ADK: variants seen among roughly 807,000 people sequenced by gnomAD.
ADK encodes the protein adenosine kinase.
In ADK, 24 loss-of-function variants were observed where a neutral mutation model predicts 44.7. That is an observed-to-expected ratio of 0.54 (90% CI 0.39 to 0.76). ADK has a LOEUF of 0.76. Ranked by LOEUF, ADK falls within the 30% of genes least tolerant of loss-of-function variation. ADK has a pLI of 0.00. For synonymous variants in ADK, 128 were observed against 142.6 expected, an observed-to-expected ratio of 0.90 and a Z score of 0.73; for missense variants, 321 against 425.1, an observed-to-expected ratio of 0.76 and a Z score of 2.15.
chr10:74,464,404 A>T (rs1846278016), intron 6 of ADK, among the ~76,000 whole-genome samples: 1 of 144,410 alleles, frequency 6.9e-6, no homozygotes, highest in Non-Finnish European at 1.6e-5. Context: ...AAAAAAAATT[A>T]CCTGGACATG....
At chr10:74,234,351 C>T (rs543827889) in intron 3 of ADK, among the ~76,000 whole-genome samples, 8 of 152,224 alleles carry the variant, frequency 5.3e-5, no homozygotes, top group Non-Finnish European at 1.2e-4. Flanking sequence ...TGTAATCATT[C>T]CCATTTTACA....
chr10:74,419,665 C>G (rs1348577926), intron 6 of ADK, among the ~76,000 whole-genome samples: 1 of 152,126 alleles, frequency 6.6e-6, no homozygotes, highest in African/African-American at 2.4e-5. Context: ...TTTTGCTACC[C>G]TTGGGCTACC....
chr10:74,428,838 G>T (rs1844886516), intron 6 of ADK, among the ~76,000 whole-genome samples: 1 of 152,066 alleles, frequency 6.6e-6, no homozygotes, highest in Non-Finnish European at 1.5e-5. Context: ...GTGATCACAA[G>T]TATCACCTCC....
rs147387935 is a variant in ADK, at chr10:74,265,942, T to C, written c.194+41351T>C. 6.6e-4 allele frequency among the ~76,000 whole-genome samples: 101 copies of C among 152,140 alleles called. 2 individuals are homozygous for C. The East Asian group carries it at 0.018, about 27-fold the overall frequency. On this transcript the variant is annotated intron_variant, in intron 3 of 10. Coordinates refer to ENST00000539909, the MANE Select transcript of ADK (RefSeq NM_006721.4). ...AAAGTGCTTGTGATGATAATATAGG[T>C]TAAGGACCAAGTACCTGGGAAAGAT...
Position 74,200,841 on chromosome 10 carries a change from A to G in ADK, c.140+3A>G. 1 of 1,585,294 alleles carries G rather than the reference A, an allele frequency of 6.3e-7. No individual in the cohort carries two copies. The highest frequency in any genetic ancestry group is 8.7e-7 in the Non-Finnish European group (1 of 1,154,414). On this transcript the variant is annotated splice_donor_region_variant and intron_variant, in intron 2 of 10. Coordinates refer to ENST00000539909, the MANE Select transcript of ADK (RefSeq NM_006721.4). ...GTGGACAAAGATTTCCTTGATAAGT[A>G]AGTATTAAACTCTTCATATGCACTA...
intron 9 of ADK, among the ~76,000 whole-genome samples, chr10:74,613,769 A>C (rs1390734846): frequency 6.6e-6 from 1 of 152,182 alleles, no homozygotes; most frequent in African/African-American, 2.4e-5. Flanking sequence ...AAAGGAAAAC[A>C]ATCTCAGCAT....
intron 6 of ADK, among the ~76,000 whole-genome samples, chr10:74,518,813 A>G (rs1243780700): frequency 6.6e-6 from 1 of 152,112 alleles, no homozygotes; most frequent in Non-Finnish European, 1.5e-5. Context: ...ACTTTTGTTT[A>G]TTCCCTTATA....
intron 1 of ADK, among the ~76,000 whole-genome samples, chr10:74,198,255 T>G (rs1300289045): frequency 6.6e-6 from 1 of 152,234 alleles, no homozygotes; most frequent in Non-Finnish European, 1.5e-5. Flanking sequence ...TCTAAGCACT[T>G]AAAATACTTT....
At chr10:74,426,798 T>G in intron 6 of ADK, among the ~76,000 whole-genome samples, 1 of 152,326 alleles carries the variant, frequency 6.6e-6, no homozygotes, top group Middle Eastern at 3.4e-3. Context: ...TTTTCTTATT[T>G]TTTTATTATT....
intron 4 of ADK, among the ~76,000 whole-genome samples, chr10:74,348,057 C>G (rs1409110623): frequency 6.6e-6 from 1 of 152,170 alleles, no homozygotes; most frequent in Non-Finnish European, 1.5e-5. Flanking sequence ...AAGGAGGATT[C>G]TCCCAGAACA....
intron 3 of ADK, among the ~76,000 whole-genome samples, chr10:74,232,807 G>C (rs1844826507): frequency 6.6e-6 from 1 of 152,048 alleles, no homozygotes; most frequent in Admixed American, 6.5e-5. Context: ...TCTATTTTTA[G>C]TAGAGGCAGG....
At chr10:74,437,608 A>G (rs1845226965) in intron 6 of ADK, among the ~76,000 whole-genome samples, 1 of 152,090 alleles carries the variant, frequency 6.6e-6, no homozygotes, top group South Asian at 2.1e-4. Context: ...TCTATTACAG[A>G]CCATTAGTAT....
chr10:74,523,811 A>AT (rs1159498182), intron 6 of ADK, among the ~76,000 whole-genome samples: 1 of 152,198 alleles, frequency 6.6e-6, no homozygotes, highest in Non-Finnish European at 1.5e-5. Context: ...CAAGTCCTGT[A>AT]TGTAGTACTC....
In ADK at chr10:74,700,684, T is replaced by C. The variant is rs189559547; in HGVS notation, c.965-7637T>C. Among the ~76,000 whole-genome samples the C allele has an allele frequency of 2.2e-4, 34 of 151,962 alleles. 1 individual carries two copies. The East Asian group carries it at 2.5e-3, about 11-fold the overall frequency. The stretch of plus-strand genomic sequence containing the variant: ...AAAATGTACATACATCTGCTTACCT[T>C]TACTAAAAGAATACAGGAAGATAAA... On this transcript the variant is annotated intron_variant, in intron 10 of 10. Coordinates refer to ENST00000539909, the MANE Select transcript of ADK (RefSeq NM_006721.4).
chr10:74,208,547 T>TA (rs1318629171), intron 2 of ADK, among the ~76,000 whole-genome samples: 1 of 152,174 alleles, frequency 6.6e-6, no homozygotes, highest in Non-Finnish European at 1.5e-5. Flanking sequence ...TACTTGAAGA[T>TA]AAAAAACAAG....
chr10:74,643,673 T>C (rs138117842), intron 9 of ADK, among the ~76,000 whole-genome samples: 1 of 152,358 alleles, frequency 6.6e-6, no homozygotes, highest in African/African-American at 2.4e-5. Context: ...GTTTATTTTT[T>C]ATTGTGGGTG....
At chr10:74,447,011 A>G (rs894189055) in intron 6 of ADK, among the ~76,000 whole-genome samples, 4 of 152,072 alleles carry the variant, frequency 2.6e-5, no homozygotes, top group Admixed American at 6.6e-5. Context: ...ACTATTTGCT[A>G]TATTTACTTA....
chr10:74,571,956 C>T (rs1850983189), intron 7 of ADK, among the ~76,000 whole-genome samples: 1 of 152,120 alleles, frequency 6.6e-6, no homozygotes, highest in African/African-American at 2.4e-5. Context: ...ACTCTTTATC[C>T]AGTTTGCCAG....
chr10:74,357,482 T>G (rs1305178172), intron 4 of ADK, among the ~76,000 whole-genome samples: 1 of 125,734 alleles, frequency 8.0e-6, no homozygotes, highest in African/African-American at 2.9e-5. Context: ...TTTTTTTTTT[T>G]AAGAGACAGG....
Sources: gnomAD v4.1 joint callset for allele counts (sites outside exome capture counted in the v4.1 genomes callset) on GRCh38, gnomAD v4.1.1 for gene constraint, MANE v1.5 for transcripts, NCBI Gene and HGNC (gene_info 2026-07-23, HGNC 2026-07-21) for gene names.